ADAMTS4: variants seen among roughly 807,000 people sequenced by gnomAD.
ADAMTS4 encodes ADAM metallopeptidase with thrombospondin type 1 motif 4.
ADAMTS4 carries 38 observed loss-of-function variants against 66.7 expected under a neutral mutation model. That is an observed-to-expected ratio of 0.57 (90% CI 0.44 to 0.75). The LOEUF is 0.75. ADAMTS4 is among the 30% of genes least tolerant of loss of function. The pLI is 0.00. For synonymous variants in ADAMTS4, 418 were observed against 461.5 expected (o/e 0.91, Z 1.21); for missense variants, 1,014 against 1,116.7 (o/e 0.91, Z 1.31).
At position 161,189,929 on chromosome 1, in the gene ADAMTS4, C is replaced by G. The variant is rs1204524040; in HGVS notation, c.*1209G>C. ...AGAATTCAATTTAAAAAATATGTAC[C>G]GGGCGTGGTGGCTCACACCTGTAAT... On this transcript the variant is annotated 3_prime_UTR_variant, in exon 9 of 9. Coordinates refer to ENST00000367996, the MANE Select transcript of ADAMTS4 (RefSeq NM_005099.6). The G allele has an allele frequency of 6.6e-6, 1 of 152,202 alleles. No homozygotes were observed. Among genetic ancestry groups the G allele is most frequent in the East Asian group, 1.9e-4 (1 of 5,202 alleles). 9.4% of individuals were successfully genotyped at this position (152,202 alleles called of 1,614,324 possible).
At position 161,194,402 on chromosome 1, in the gene ADAMTS4, T is replaced by C. The variant is rs1664764960; in HGVS notation, c.1262-181A>G. Among the ~76,000 whole-genome samples, 1 of 151,922 alleles carries C rather than the reference T, an allele frequency of 6.6e-6. No homozygotes were observed. Among genetic ancestry groups the C allele is most frequent in the Non-Finnish European group, 1.5e-5 (1 of 67,930 alleles). ...TTTTAATTACTTACTTTTTTTTTTT[T>C]TTCCTGAGACAGAGTCTTGCTCTGT... On this transcript the variant is annotated intron_variant, in intron 4 of 8. Coordinates refer to ENST00000367996, the MANE Select transcript of ADAMTS4 (RefSeq NM_005099.6). The surrounding 1 kb of genome is among the most constrained non-coding windows in gnomAD (Gnocchi z 4.1).
At position 161,187,391 on chromosome 1, in the gene ADAMTS4, T is replaced by C. The variant is rs1162039360; in HGVS notation, c.*3747A>G. On this transcript the variant is annotated 3_prime_UTR_variant, in exon 9 of 9. Coordinates refer to ENST00000367996, the MANE Select transcript of ADAMTS4 (RefSeq NM_005099.6). ...ACTAGATGAAACGAGTAAAGATCACTATTGTCTTGTCTCCATCTTCTTCAG... is the reference window on the plus strand; with the variant it reads ...ACTAGATGAAACGAGTAAAGATCACCATTGTCTTGTCTCCATCTTCTTCAG... The C allele has an allele frequency of 6.6e-6, 1 of 152,298 alleles. No individual in the cohort carries two copies. Among genetic ancestry groups the C allele is most frequent in the East Asian group, 1.9e-4 (1 of 5,184 alleles). 9.4% of individuals were successfully genotyped at this position (152,298 alleles called of 1,614,324 possible).
rs939042245 is a variant in ADAMTS4 at position 161,190,902 on chromosome 1, C to T, written c.*236G>A. Reference sequence around the variant, plus strand: ...CCTGTGACCCGCAGGGCAGAGGGGGCAGTTTAGATGGAGGGCTGTCTGTCA... The same window carrying T: ...CCTGTGACCCGCAGGGCAGAGGGGGTAGTTTAGATGGAGGGCTGTCTGTCA... On this transcript the variant is annotated 3_prime_UTR_variant, in exon 9 of 9. Transcript: ENST00000367996. 4.3e-6 allele frequency: 2 copies of T among 463,696 alleles called. No homozygotes were observed. Among genetic ancestry groups the T allele is most frequent in the Non-Finnish European group, 7.6e-6 (2 of 262,336 alleles). The allele number at this position is 463,696 out of a possible 1,614,324, so 28.7% of individuals were successfully genotyped here. A position where few individuals can be genotyped will look rare whatever the true frequency, so the allele number is the denominator to read the frequency against.
In ADAMTS4 at chr1:161,196,821, G is replaced by A. The variant is rs780978599; in HGVS notation, c.693C>T (p.Ala231=). Residue 231 remains alanine, a synonymous_variant, in exon 2 of 9, where the codon GCC becomes GCT. Transcript: ENST00000367996. ...ETLVVADDKM[A]AFHGAGLKRY... is the part of the protein sequence containing the mutation. ...GCTTTAGCCCCGCACCGTGGAATGC[G>A]GCCATCTTGTCATCTGCCACCACCA... The A allele has an allele frequency of 9.9e-6, 16 of 1,610,190 alleles. No individual in the cohort carries two copies. Among genetic ancestry groups the A allele is most frequent in the East Asian group, 2.2e-5 (1 of 44,886 alleles).
In ADAMTS4 at chr1:161,189,125, C is replaced by T. The variant is rs1664603513; in HGVS notation, c.*2013G>A. ...TTACACTGGCAGATTCTGGAGACTC[C>T]GTTCCATCTTCAGGTAGTCATAGGG... On this transcript the variant is annotated 3_prime_UTR_variant, in exon 9 of 9. Coordinates refer to ENST00000367996, the MANE Select transcript of ADAMTS4 (RefSeq NM_005099.6). 6.6e-6 allele frequency: 1 copy of T among 151,836 alleles called. No individual in the cohort carries two copies. Among genetic ancestry groups the T allele is most frequent in the Non-Finnish European group, 1.5e-5 (1 of 67,970 alleles). 9.4% of individuals were successfully genotyped at this position (151,836 alleles called of 1,614,324 possible). A position where few individuals can be genotyped will look rare whatever the true frequency, so the allele number is the denominator to read the frequency against.
In ADAMTS4 at chr1:161,194,752, T is replaced by A. The variant is rs1364264960; in HGVS notation, c.1262-531A>T. ...TGCTTATTATGAGATGAGCATTGGC[T>A]AAATGCTTGACCAGCACTATTTAAT... On this transcript the variant is annotated intron_variant, in intron 4 of 8. Coordinates refer to ENST00000367996, the MANE Select transcript of ADAMTS4 (RefSeq NM_005099.6). This position sits in a 1 kb window ranked among gnomAD's most constrained non-coding sequence, Gnocchi z 4.1. 6.6e-6 allele frequency among the ~76,000 whole-genome samples: 1 copy of A among 152,246 alleles called. No homozygotes were observed. Among genetic ancestry groups the A allele is most frequent in the Non-Finnish European group, 1.5e-5 (1 of 68,040 alleles).
chr1:161,198,715 C>T lies in ADAMTS4; in HGVS notation c.-88G>A. On this transcript the variant is annotated 5_prime_UTR_variant, in exon 1 of 9. Transcript: ENST00000367996. The surrounding 1 kb of genome is among the most constrained non-coding windows in gnomAD (Gnocchi z 4.7). ...AGCTTTGGAAAGCTCCTCTCTGTAG[C>T]CTGGGGGCTTGGACTCCTGCCAAGG... 1 of 1,290,144 alleles carries T rather than the reference C, an allele frequency of 7.8e-7. No individual in the cohort carries two copies. The highest frequency in any genetic ancestry group is 1.0e-6 in the Non-Finnish European group (1 of 965,760). The allele number at this position is 1,290,144 out of a possible 1,614,324, so 79.9% of individuals were successfully genotyped here. A position where few individuals can be genotyped will look rare whatever the true frequency, so the allele number is the denominator to read the frequency against.
chr1:161,196,365 G>C, intron 2 of ADAMTS4, 62 bp from the exon 3 acceptor site: 3 of 1,549,832 alleles, frequency 1.9e-6, no homozygotes, highest in Non-Finnish European at 2.6e-6. Flanking sequence ...ATTGGGTTGA[G>C]ATCCAGATTC....
chr1:161,197,278 G>C (rs1664882866), intron 1 of ADAMTS4: 1 of 180,518 alleles, frequency 5.5e-6, no homozygotes, highest in African/African-American at 2.4e-5. Flanking sequence ...TGTGTGGTTG[G>C]AGGAACGATT....
rs1044112092 is a variant in ADAMTS4 at position 161,188,626 on chromosome 1, A to G, written c.*2512T>C. On this transcript the variant is annotated 3_prime_UTR_variant, in exon 9 of 9. Transcript: ENST00000367996. Reference sequence around the variant, plus strand: ...CTCCTCAGGCATCAGGTATTCTGCCATTTTGAGGCACCTGGCTCCCTTACC... The same window carrying G: ...CTCCTCAGGCATCAGGTATTCTGCCGTTTTGAGGCACCTGGCTCCCTTACC... 2.6e-5 allele frequency: 4 copies of G among 151,654 alleles called. No homozygotes were observed. The highest frequency in any genetic ancestry group is 4.4e-5 in the Non-Finnish European group (3 of 67,922). 9.4% of individuals were successfully genotyped at this position (151,654 alleles called of 1,614,324 possible).
chr1:161,196,992 C>A (rs1483197412), intron 1 of ADAMTS4, 112 bp from the exon 2 acceptor site: 2 of 977,972 alleles, frequency 2.0e-6, no homozygotes, highest in Admixed American at 4.7e-5. Flanking sequence ...GTCAGCTGGG[C>A]CCCACACACC....
At position 161,194,316 on chromosome 1, in the gene ADAMTS4, G is replaced by A; in HGVS notation, c.1262-95C>T. ...CTTAGGCTCCCTGGGGCCTGATGGA[G>A]CCTAGAAAAACAATCCTAGGACTAT... is the stretch of plus-strand genomic sequence containing the variant. On this transcript the variant is annotated intron_variant, in intron 4 of 8. Transcript: ENST00000367996. This position sits in a 1 kb window ranked among gnomAD's most constrained non-coding sequence, Gnocchi z 4.1. The A allele has an allele frequency of 1.6e-6, 2 of 1,237,046 alleles. No homozygotes were observed. Among genetic ancestry groups the A allele is most frequent in the Non-Finnish European group, 2.3e-6 (2 of 885,662 alleles). 76.6% of individuals were successfully genotyped at this position (1,237,046 alleles called of 1,614,324 possible). A position where few individuals can be genotyped will look rare whatever the true frequency, so the allele number is the denominator to read the frequency against.
At position 161,185,226 on chromosome 1, in the gene ADAMTS4, A is replaced by G. The variant is rs1246736896; in HGVS notation, c.*5912T>C. 1 of 152,036 alleles carries G rather than the reference A, an allele frequency of 6.6e-6. No individual in the cohort carries two copies. The highest frequency in any genetic ancestry group is 2.4e-5 in the African/African-American group (1 of 41,362). 9.4% of individuals were successfully genotyped at this position (152,036 alleles called of 1,614,324 possible). ...AAAATAAATTTTAAAAAAAAGAGAG[A>G]ATGTGCTAGTGTGTCTCTGTGAAGT... On this transcript the variant is annotated 3_prime_UTR_variant, in exon 9 of 9. Transcript: ENST00000367996.
At position 161,194,564 on chromosome 1, in the gene ADAMTS4, T is replaced by G. The variant is rs2102013994; in HGVS notation, c.1262-343A>C. On this transcript the variant is annotated intron_variant, in intron 4 of 8. Coordinates refer to ENST00000367996, the MANE Select transcript of ADAMTS4 (RefSeq NM_005099.6). This position sits in a 1 kb window ranked among gnomAD's most constrained non-coding sequence, Gnocchi z 4.1. ...GCCATGTCCAGCTAATTTTTTGGAA[T>G]TTTTTGTAGTGATAAGGTCTTGCTA... Among the ~76,000 whole-genome samples the G allele has an allele frequency of 6.6e-6, 1 of 152,156 alleles. No individual in the cohort carries two copies. The highest frequency in any genetic ancestry group is 1.9e-4 in the East Asian group (1 of 5,164).
rs1664561121 is a variant in ADAMTS4 at position 161,187,269 on chromosome 1, G to T, written c.*3869C>A. The T allele has an allele frequency of 6.6e-6, 1 of 152,122 alleles. No homozygotes were observed. Among genetic ancestry groups the T allele is most frequent in the African/African-American group, 2.4e-5 (1 of 41,402 alleles). 9.4% of individuals were successfully genotyped at this position (152,122 alleles called of 1,614,324 possible). On this transcript the variant is annotated 3_prime_UTR_variant, in exon 9 of 9. Coordinates refer to ENST00000367996, the MANE Select transcript of ADAMTS4 (RefSeq NM_005099.6). Reference sequence around the variant, plus strand: ...ACAGTCGTATATATTGTTTGTATTTGTACCTTACATCTACTTATCACAGAA... The same window carrying T: ...ACAGTCGTATATATTGTTTGTATTTTTACCTTACATCTACTTATCACAGAA...
At position 161,198,703 on chromosome 1, in the gene ADAMTS4, T is replaced by C. The variant is rs1322180364; in HGVS notation, c.-76A>G. 7.4e-7 allele frequency: 1 copy of C among 1,350,738 alleles called. No individual in the cohort carries two copies. Among genetic ancestry groups the C allele is most frequent in the Non-Finnish European group, 9.8e-7 (1 of 1,018,122 alleles). 83.7% of individuals were successfully genotyped at this position (1,350,738 alleles called of 1,614,324 possible). A position where few individuals can be genotyped will look rare whatever the true frequency, so the allele number is the denominator to read the frequency against. ...CCTCCACACCCTAGCTTTGGAAAGC[T>C]CCTCTCTGTAGCCTGGGGGCTTGGA... On this transcript the variant is annotated 5_prime_UTR_variant, in exon 1 of 9. Transcript: ENST00000367996. The surrounding 1 kb of genome is among the most constrained non-coding windows in gnomAD (Gnocchi z 4.7).
In ADAMTS4 at chr1:161,196,806, C is replaced by T. The variant is rs116602298; in HGVS notation, c.708G>A (p.Ala236=). ...CTGTTAGCAGGTAGCGCTTTAGCCC[C>T]GCACCGTGGAATGCGGCCATCTTGT... ...ADDKMAAFHG[A]GLKRYLLTVM... Residue 236 remains alanine, a synonymous_variant, in exon 2 of 9, where the codon GCG becomes GCA. Coordinates refer to ENST00000367996, the MANE Select transcript of ADAMTS4 (RefSeq NM_005099.6). 470 of 1,611,676 alleles carry T rather than the reference C, an allele frequency of 2.9e-4. 3 individuals are homozygous for T. In the East Asian group the frequency reaches 8.0e-3, roughly 27 times the overall value.
chr1:161,194,976 A>T lies in ADAMTS4; in HGVS notation c.1261+489T>A, dbSNP rs1341330700. On this transcript the variant is annotated intron_variant, in intron 4 of 8. Coordinates refer to ENST00000367996, the MANE Select transcript of ADAMTS4 (RefSeq NM_005099.6). The surrounding 1 kb of genome is among the most constrained non-coding windows in gnomAD (Gnocchi z 4.1). ...GGTGGGAGGATTGCTTGAGCCTAGGAGTTCGAGACCAGCCTAGGCAACACA... is the reference window on the plus strand; with the variant it reads ...GGTGGGAGGATTGCTTGAGCCTAGGTGTTCGAGACCAGCCTAGGCAACACA... 6.6e-6 allele frequency among the ~76,000 whole-genome samples: 1 copy of T among 152,330 alleles called. No homozygotes were observed. Among genetic ancestry groups the T allele is most frequent in the East Asian group, 1.9e-4 (1 of 5,188 alleles).
chr1:161,196,174 G>T lies in ADAMTS4; in HGVS notation c.1087C>A (p.Leu363Met). ...LQSAFTAAHE[L>M]GHVFNMLHDN... is the part of the protein sequence containing the mutation. ...TTCTCATCCACCCCTACTTTACCCA[G>T]TTCATGAGCAGCAGTGAAGGCTGAC... Residue 363 changes from leucine (L) to methionine (M), a missense_variant, in exon 3 of 9, where the codon CTG becomes ATG. Leu to Met is a conservative substitution (Grantham distance 15, BLOSUM62 2). Transcript: ENST00000367996. The T allele has an allele frequency of 6.3e-7, 1 of 1,598,734 alleles. No homozygotes were observed. The highest frequency in any genetic ancestry group is 8.5e-7 in the Non-Finnish European group (1 of 1,172,886).
Sources: allele counts gnomAD v4.1 joint callset (sites outside exome capture counted in the v4.1 genomes callset), GRCh38; gene constraint gnomAD v4.1.1; non-coding constraint Gnocchi (gnomAD v3.1); transcripts MANE v1.5; gene names NCBI Gene and HGNC (gene_info 2026-07-23, HGNC 2026-07-21).